Variants in MIER2 observed in about 807,000 individuals in gnomAD.
MIER2 encodes the protein MIER family member 2.
MIER2 carries 30 observed loss-of-function variants against 67.6 expected under a neutral mutation model. The ratio of observed to expected loss-of-function variants is 0.44; its 90% confidence interval spans 0.33 to 0.60. The LOEUF is 0.60. MIER2 is among the 20% of genes least tolerant of loss of function. MIER2 has a pLI of 0.02. For missense variants in MIER2, 702 were observed against 745.1 expected (o/e 0.94, Z 0.67); for synonymous variants, 372 against 312.6 (o/e 1.19, Z -2.00).
Position 311,781 on chromosome 19 carries a change from G to A in MIER2, c.984+64C>T, listed in dbSNP as rs1202618247. ...CCAGTCGGCCGTGTGCTGTGTGCCT[G>A]CGGACCCTGAGCCCCTCCCCAGATC... On this transcript the variant is annotated intron_variant, in intron 10 of 13. Transcript: ENST00000264819. 3.3e-6 allele frequency: 5 copies of A among 1,523,228 alleles called. No individual in the cohort carries two copies. The African/African-American group carries it at 4.1e-5, about 13-fold the overall frequency. The allele number at this position is 1,523,228 out of a possible 1,614,324, so 94.4% of individuals were successfully genotyped here.
chr19:335,245 G>C (rs1002738383), intron 2 of MIER2, among the ~76,000 whole-genome samples: 3 of 152,182 alleles, frequency 2.0e-5, no homozygotes, highest in Non-Finnish European at 4.4e-5. Flanking sequence ...CTGGGGGCCT[G>C]AGGGCCTGGG....
intron 3 of MIER2, among the ~76,000 whole-genome samples, chr19:331,672 A>C (rs1311716095): frequency 6.6e-6 from 1 of 151,984 alleles, no homozygotes; most frequent in Non-Finnish European, 1.5e-5. Context: ...GTCTCAAAAA[A>C]ATAAATAAAT....
At chr19:321,567 C>T (rs1971504511) in intron 7 of MIER2, among the ~76,000 whole-genome samples, 1 of 151,996 alleles carries the variant, frequency 6.6e-6, no homozygotes, top group African/African-American at 2.4e-5. Flanking sequence ...CTGCTTGAAT[C>T]CAGGAGGCGG....
At chr19:334,647 C>T in intron 2 of MIER2, 105 bp from the exon 3 acceptor site, 1 of 1,455,380 alleles carries the variant, frequency 6.9e-7, no homozygotes. Context: ...AGGCCCTCTG[C>T]ATGCTGCCAG....
chr19:339,151 C>T (rs1338755217), intron 1 of MIER2, among the ~76,000 whole-genome samples: 1 of 149,932 alleles, frequency 6.7e-6, no homozygotes, highest in African/African-American at 2.5e-5. Flanking sequence ...TCAAAGGACG[C>T]CCCCAAGAAA....
chr19:326,612 G>C lies in MIER2; in HGVS notation c.494-14C>G. On this transcript the variant is annotated splice_polypyrimidine_tract_variant and intron_variant, in intron 5 of 13. Transcript: ENST00000264819. ...CCAGGAAACGAGCTTTGGGAAAACA[G>C]AGGCAGGTCCCCCAGGGTCTCCACT... 2.5e-6 allele frequency: 4 copies of C among 1,611,874 alleles called. No homozygotes were observed. Among genetic ancestry groups the C allele is most frequent in the Non-Finnish European group, 2.5e-6 (3 of 1,177,964 alleles).
chr19:326,614 G>A lies in MIER2; in HGVS notation c.494-16C>T, dbSNP rs373493822. ...AGGAAACGAGCTTTGGGAAAACAGA[G>A]GCAGGTCCCCCAGGGTCTCCACTGC... is the stretch of plus-strand genomic sequence containing the variant. On this transcript the variant is annotated splice_polypyrimidine_tract_variant and intron_variant, in intron 5 of 13. Transcript: ENST00000264819. 1.9e-6 allele frequency: 3 copies of A among 1,610,726 alleles called. No individual in the cohort carries two copies. Among genetic ancestry groups the A allele is most frequent in the South Asian group, 1.1e-5 (1 of 91,030 alleles).
At chr19:320,581 G>A (rs1414318874) in intron 7 of MIER2, among the ~76,000 whole-genome samples, 2 of 152,162 alleles carry the variant, frequency 1.3e-5, no homozygotes, top group African/African-American at 4.8e-5. Context: ...GCCTGACTCC[G>A]CCTCCTGTCA....
At position 306,488 on chromosome 19, in the gene MIER2, G is replaced by C; in HGVS notation, c.*202C>G. Reference sequence around the variant, plus strand: ...TGCCGGGCGCTGACGGCGCTGGGTGGGGCCGTGGGTCCATTCTGTGTGGAC... The same window carrying C: ...TGCCGGGCGCTGACGGCGCTGGGTGCGGCCGTGGGTCCATTCTGTGTGGAC... On this transcript the variant is annotated 3_prime_UTR_variant, in exon 14 of 14. Transcript: ENST00000264819. The C allele has an allele frequency of 1.4e-6, 1 of 706,828 alleles. No homozygotes were observed. Among genetic ancestry groups the C allele is most frequent in the Non-Finnish European group, 2.3e-6 (1 of 431,262 alleles). The allele number at this position is 706,828 out of a possible 1,614,324, so 43.8% of individuals were successfully genotyped here.
chr19:325,530 G>C, intron 7 of MIER2, 105 bp downstream of exon 7: 2 of 1,300,468 alleles, frequency 1.5e-6, no homozygotes, highest in Middle Eastern at 1.9e-4. Flanking sequence ...CCCAGTGAGC[G>C]ATGCGGGGCG....
chr19:344,158 T>C, intron 1 of MIER2: 38 of 985,350 alleles, frequency 3.9e-5, no homozygotes, highest in Non-Finnish European at 4.6e-5. Flanking sequence ...TCTTCTGAGA[T>C]CAGCCCCGAC....
intron 3 of MIER2, among the ~76,000 whole-genome samples, chr19:329,187 G>C (rs1350189256): frequency 6.6e-6 from 1 of 152,042 alleles, no homozygotes; most frequent in African/African-American, 2.4e-5. Context: ...ACTCAACCTG[G>C]GGGCTTCAAG....
intron 7 of MIER2, among the ~76,000 whole-genome samples, chr19:318,439 C>T (rs540873228): frequency 6.6e-6 from 1 of 152,102 alleles, no homozygotes; most frequent in Admixed American, 6.5e-5. Flanking sequence ...GCACTTAACA[C>T]AATGTGAAGT....
intron 7 of MIER2, among the ~76,000 whole-genome samples, chr19:321,625 C>T (rs1010254048): frequency 6.6e-6 from 1 of 151,730 alleles, no homozygotes; most frequent in African/African-American, 2.4e-5. Flanking sequence ...GCCTGGGCAA[C>T]AGAGCAAGAC....
In MIER2 at chr19:325,672, G is replaced by A; in HGVS notation, c.618C>T (p.Asp206=). ...EIMVGPQFQA[D]LSNLHLNRHC... ...GCCGGTTCAAGTGCAGGTTGCTGAG[G>A]TCAGCTTGGAACTGAGGTCCCACCA... Residue 206 remains aspartate, a synonymous_variant, in exon 7 of 14, where the codon GAC becomes GAT. Transcript: ENST00000264819. 6.2e-7 allele frequency: 1 copy of A among 1,614,220 alleles called. No individual in the cohort carries two copies. Among genetic ancestry groups the A allele is most frequent in the Non-Finnish European group, 8.5e-7 (1 of 1,180,028 alleles).
rs1971031795 is a variant in MIER2, at chr19:312,019, CAG to C, written c.890-82_890-81del. On this transcript the variant is annotated intron_variant, in intron 9 of 13. Coordinates refer to ENST00000264819, the MANE Select transcript of MIER2 (RefSeq NM_017550.3). ...GAAGGAAGGCCCAGGCCGGGGAGAA[CAG>C]TCAGCGGCGCCCAGGGCGGGGCCGC... The C allele has an allele frequency of 2.6e-6, 3 of 1,134,268 alleles. 1 individual carries two copies. The highest frequency in any genetic ancestry group is 3.8e-5 in the South Asian group (2 of 52,298). The allele number at this position is 1,134,268 out of a possible 1,614,324, so 70.3% of individuals were successfully genotyped here. A position where few individuals can be genotyped will look rare whatever the true frequency, so the allele number is the denominator to read the frequency against.
chr19:316,608 T>C (rs897275181), intron 7 of MIER2, among the ~76,000 whole-genome samples: 1 of 152,136 alleles, frequency 6.6e-6, no homozygotes, highest in Non-Finnish European at 1.5e-5. Flanking sequence ...AAATTAACGA[T>C]AGCACAAAAG....
intron 10 of MIER2, 150 bp downstream of exon 10, chr19:311,695 G>T: frequency 1.5e-6 from 1 of 682,166 alleles, no homozygotes; most frequent in South Asian, 1.9e-5. Context: ...AGCAAAAAAT[G>T]CAGAAGACAG....
At position 334,520 on chromosome 19, in the gene MIER2, G is replaced by T. The variant is rs1182480195; in HGVS notation, c.123C>A (p.Asp41Glu). Residue 41 changes from aspartate (D) to glutamate (E), a missense_variant, in exon 3 of 14, where the codon GAC becomes GAA. Coordinates refer to ENST00000264819, the MANE Select transcript of MIER2 (RefSeq NM_017550.3). ...GGATCTCTGCGAGGTTGAACTGATG[G>T]TCTCCAGAGCCCATGGACACCACTG... ...TTAVVSMGSG[D>E]HQFNLAEILS... 6.2e-7 allele frequency: 1 copy of T among 1,614,078 alleles called. No homozygotes were observed. The highest frequency in any genetic ancestry group is 2.2e-5 in the East Asian group (1 of 44,876).
Sources: allele counts gnomAD v4.1 joint callset (sites outside exome capture counted in the v4.1 genomes callset), GRCh38; gene constraint gnomAD v4.1.1; transcripts MANE v1.5; gene names NCBI Gene and HGNC (gene_info 2026-07-23, HGNC 2026-07-21).